The following ABCC5 variants were observed in gnomAD, a reference collection of about 807,000 sequenced individuals.
ABCC5 encodes the protein ATP-binding cassette sub-family C member 5.
Under a neutral mutation model 160.9 loss-of-function variants are expected in ABCC5, and 61 were observed. The ratio of observed to expected loss-of-function variants is 0.38; its 90% CI spans 0.31 to 0.47. The LOEUF (loss-of-function observed/expected upper bound fraction) is 0.47, where lower values mean the gene tolerates loss of function less well. ABCC5 is among the 20% of genes least tolerant of loss of function. The pLI, the probability that ABCC5 is intolerant of heterozygous loss-of-function variation, is 0.99. For missense variants in ABCC5, 1,308 were observed against 1,813.3 expected, an observed-to-expected ratio of 0.72 and a Z score of 5.06; for synonymous variants, 666 against 700.6, an observed-to-expected ratio of 0.95 and a Z score of 0.78.
Position 183,927,446 on chromosome 3 carries a change from A to T in ABCC5, c.3934-3T>A. On this transcript the variant is annotated splice_region_variant and splice_polypyrimidine_tract_variant and intron_variant, in intron 27 of 29. Coordinates refer to ENST00000334444, the MANE Select transcript of ABCC5 (RefSeq NM_005688.4). ...AGTTTCAGAGGTAGCTGAGCAATCT[A>T]GGGAGAAAGAAACTAGAGATCAGAG... is the stretch of plus-strand genomic sequence containing the variant. The T allele has an allele frequency of 6.2e-7, 1 of 1,610,182 alleles. No homozygotes were observed. Among genetic ancestry groups the T allele is most frequent in the East Asian group, 2.2e-5 (1 of 44,776 alleles).
In ABCC5 at chr3:183,938,011, T is replaced by C. The variant is rs370819701; in HGVS notation, c.3744A>G (p.Gly1248=). ...TCACTCCATCAATCTTGATGCAGCC[T>C]CCAGATAACTCCACCAGACGGAAGA... ...MALFRLVELS[G]GCIKIDGVRI... Residue 1248 remains glycine, a synonymous_variant, in exon 26 of 30, where the codon GGA becomes GGG. Transcript: ENST00000334444. 1.2e-6 allele frequency: 2 copies of C among 1,614,126 alleles called. No individual in the cohort carries two copies. Among genetic ancestry groups the C allele is most frequent in the Non-Finnish European group, 8.5e-7 (1 of 1,180,026 alleles).
rs149253198 is a variant in ABCC5, at chr3:183,920,991, T to C, written c.*309A>G. The stretch of plus-strand genomic sequence containing the variant: ...TAAATATAGGCTATGTACAGAATTA[T>C]ATATAGATATAGCTACACGTATAAA... On this transcript the variant is annotated 3_prime_UTR_variant, in exon 30 of 30. Coordinates refer to ENST00000334444, the MANE Select transcript of ABCC5 (RefSeq NM_005688.4). The surrounding 1 kb of genome is among the most constrained non-coding windows in gnomAD (Gnocchi z 4.1). The C allele has an allele frequency of 9.2e-4, 198 of 214,668 alleles. No individual in the cohort carries two copies. Among genetic ancestry groups the C allele is most frequent in the Middle Eastern group, 6.6e-3 (4 of 610 alleles). 13.3% of individuals were successfully genotyped at this position (214,668 alleles called of 1,614,324 possible).
chr3:183,989,453 G>C, intron 2 of ABCC5, 70 bp from the exon 3 acceptor site: 2 of 1,532,918 alleles, frequency 1.3e-6, no homozygotes, highest in Non-Finnish European at 8.9e-7. Context: ...CGGAACTGAT[G>C]AAACAGCTCA....
intron 23 of ABCC5, among the ~76,000 whole-genome samples, chr3:183,947,085 C>T (rs1554395): frequency 0.81 from 122,889 of 152,190 alleles, 50,506 homozygotes; most frequent in East Asian, 0.99. Context: ...ATCTACTTCT[C>T]ACACACATGC....
chr3:183,952,149 T>A, intron 18 of ABCC5, 146 bp from the exon 19 acceptor site: 1 of 554,712 alleles, frequency 1.8e-6, no homozygotes, highest in Non-Finnish European at 2.8e-6. Flanking sequence ...CACCTCTTTT[T>A]TTTTTTTTTT....
intron 17 of ABCC5, among the ~76,000 whole-genome samples, chr3:183,956,598 C>T (rs1275736085): frequency 6.6e-6 from 1 of 150,692 alleles, no homozygotes; most frequent in Non-Finnish European, 1.5e-5. Flanking sequence ...ACATGCAGAT[C>T]CGTGTGTATA....
chr3:184,008,117 A>G (rs1721389201), intron 2 of ABCC5, among the ~76,000 whole-genome samples: 2 of 89,628 alleles, frequency 2.2e-5, no homozygotes, highest in South Asian at 6.3e-4. Context: ...TATGTAGAGT[A>G]CGTGTTGTGA....
chr3:183,981,628 T>A, intron 8 of ABCC5, 99 bp downstream of exon 8: 3 of 1,281,852 alleles, frequency 2.3e-6, no homozygotes, highest in Non-Finnish European at 3.3e-6. Context: ...ACACTAGTCC[T>A]AGTACGTAAT....
At chr3:184,009,023 A>T (rs1227255664) in intron 2 of ABCC5, among the ~76,000 whole-genome samples, 1 of 152,042 alleles carries the variant, frequency 6.6e-6, no homozygotes, top group Non-Finnish European at 1.5e-5. Flanking sequence ...TGCCCAGCTA[A>T]TTTATTTTTA....
chr3:183,971,594 G>A lies in ABCC5; in HGVS notation c.1730C>T (p.Thr577Ile), dbSNP rs1717752316. The A allele has an allele frequency of 3.7e-6, 6 of 1,614,130 alleles. No individual in the cohort carries two copies. Among genetic ancestry groups the A allele is most frequent in the Non-Finnish European group, 5.1e-6 (6 of 1,180,022 alleles). The change falls in exon 11 of 30, where the codon ACA becomes ATA. Residue 577 changes from threonine to isoleucine, a missense_variant. By Grantham distance (89) the Thr-to-Ile change is moderately conservative. Coordinates refer to ENST00000334444, the MANE Select transcript of ABCC5 (RefSeq NM_005688.4). Reference protein sequence around the residue: ...IHLGHLRLQRTLHSIDLEIQE... With the variant: ...IHLGHLRLQRILHSIDLEIQE... ...GATCTCCAGATCGATGCTGTGCAGT[G>A]TCCTCTGTAAGCGCAGGTGGCCCAG... is the stretch of plus-strand genomic sequence containing the variant.
rs549434329 is a variant in ABCC5, at chr3:183,983,917, C to T, written c.592-910G>A. The T allele has an allele frequency of 9.9e-5, 98 of 985,302 alleles. 1 individual carries two copies. Among genetic ancestry groups the T allele is most frequent in the African/African-American group, 6.1e-4 (35 of 57,216 alleles). The allele number at this position is 985,302 out of a possible 1,614,324, so 61.0% of individuals were successfully genotyped here. A position where few individuals can be genotyped will look rare whatever the true frequency, so the allele number is the denominator to read the frequency against. ...GCCATCTAACAGGTCATCTGGTCTC[C>T]GACGGTTGTTTAACGACACACAGTA... On this transcript the variant is annotated intron_variant, in intron 5 of 29. Coordinates refer to ENST00000334444, the MANE Select transcript of ABCC5 (RefSeq NM_005688.4).
In ABCC5 at chr3:183,931,396, A is replaced by C. The variant is rs559242441; in HGVS notation, c.3855-2571T>G. Among the ~76,000 whole-genome samples the C allele has an allele frequency of 4.7e-5, 7 of 147,428 alleles. No homozygotes were observed. The East Asian group carries it at 1.2e-3, about 25-fold the overall frequency. Reference sequence around the variant, plus strand: ...GGCTGGAGTGCAGTGGCATGATCTCAGCTCACTGCAACCCCTGCCCTGCCC... The same window carrying C: ...GGCTGGAGTGCAGTGGCATGATCTCCGCTCACTGCAACCCCTGCCCTGCCC... On this transcript the variant is annotated intron_variant, in intron 26 of 29. Coordinates refer to ENST00000334444, the MANE Select transcript of ABCC5 (RefSeq NM_005688.4).
intron 10 of ABCC5, among the ~76,000 whole-genome samples, chr3:183,973,913 A>T (rs1329215258): frequency 6.6e-6 from 1 of 152,208 alleles, no homozygotes; most frequent in Non-Finnish European, 1.5e-5. Flanking sequence ...TGAACTATTA[A>T]GAAACATGCC....
intron 2 of ABCC5, 69 bp from the exon 3 acceptor site, chr3:183,989,452 T>A: frequency 6.5e-7 from 1 of 1,538,724 alleles, no homozygotes; most frequent in Non-Finnish European, 8.8e-7. Flanking sequence ...ACGGAACTGA[T>A]GAAACAGCTC....
Position 183,927,534 on chromosome 3 carries a change from G to A in ABCC5, c.3934-91C>T, listed in dbSNP as rs1394534211. On this transcript the variant is annotated intron_variant, in intron 27 of 29. Transcript: ENST00000334444. ...GACAGAAAGAAATGATTCTGAAAGC[G>A]ATGAAAGAACTATTAGCCAAGAACC... The A allele has an allele frequency of 1.6e-5, 24 of 1,505,874 alleles. No individual in the cohort carries two copies. In the South Asian group the frequency reaches 1.7e-4, roughly 11 times the overall value. 93.3% of individuals were successfully genotyped at this position (1,505,874 alleles called of 1,614,324 possible). A position where few individuals can be genotyped will look rare whatever the true frequency, so the allele number is the denominator to read the frequency against.
Position 183,951,501 on chromosome 3 carries a change from A to G in ABCC5, c.2884T>C (p.Phe962Leu), listed in dbSNP as rs1273988730. 6.2e-7 allele frequency: 1 copy of G among 1,614,144 alleles called. No homozygotes were observed. Among genetic ancestry groups the G allele is most frequent in the South Asian group, 1.1e-5 (1 of 91,080 alleles). Reference protein sequence around the residue: ...FRRILRSPMKFFDTTPTGRIL... With the variant: ...FRRILRSPMKLFDTTPTGRIL... ...CTCCCTGTGGGGGTCGTGTCAAAAAACTTCATAGGGCTTCGAAGGATCCTT... is the reference window on the plus strand; with the variant it reads ...CTCCCTGTGGGGGTCGTGTCAAAAAGCTTCATAGGGCTTCGAAGGATCCTT... The change falls in exon 20 of 30, where the codon TTT (phenylalanine) becomes CTT (leucine). Residue 962 changes from phenylalanine (F) to leucine (L), a missense_variant. By Grantham distance (22) the Phe-to-Leu change is conservative (BLOSUM62 0). Around this residue, in one of 3 missense-constraint regions of ABCC5, gnomAD observed 1,142 missense variants for 1,527.1 expected, o/e 0.75. Coordinates refer to ENST00000334444, the MANE Select transcript of ABCC5 (RefSeq NM_005688.4). This position sits in a 1 kb window ranked among gnomAD's most constrained non-coding sequence, Gnocchi z 4.7.
Position 183,925,630 on chromosome 3 carries a change from ACAGTCTG to A in ABCC5, c.4130_4136del (p.Ala1377ValfsTer4). ...GGCGATGGGCAATGGTCAGCATGGTACAGTCTGCAAATGCTTCTCGGATGGTCTCTTG... is the reference window on the plus strand; with the variant it reads ...GGCGATGGGCAATGGTCAGCATGGTACAAATGCTTCTCGGATGGTCTCTTG... On this transcript the variant is annotated frameshift_variant, in exon 29 of 30. Transcript: ENST00000334444. LOFTEE classifies it high-confidence loss of function. 1 of 1,614,028 alleles carries A rather than the reference ACAGTCTG, an allele frequency of 6.2e-7. No individual in the cohort carries two copies.
At chr3:183,959,439 A>G (rs1250283119) in intron 17 of ABCC5, among the ~76,000 whole-genome samples, 1 of 152,118 alleles carries the variant, frequency 6.6e-6, no homozygotes, top group Non-Finnish European at 1.5e-5. Flanking sequence ...TGTACCCACC[A>G]TTCGATTTTT....
Position 183,987,160 on chromosome 3 carries a change from G to C in ABCC5, c.591+610C>G, listed in dbSNP as rs761619049. ...AGCACAGCAGGTGTAAGAAACAGGT[G>C]CCCAGGAAACAGAGTGAACGTCAAA... On this transcript the variant is annotated intron_variant, in intron 5 of 29. Transcript: ENST00000334444. This position sits in a 1 kb window ranked among gnomAD's most constrained non-coding sequence, Gnocchi z 4.2. The C allele has an allele frequency of 6.2e-6, 1 of 161,314 alleles. No individual in the cohort carries two copies. The highest frequency in any genetic ancestry group is 1.4e-5 in the Non-Finnish European group (1 of 73,236). The allele number at this position is 161,314 out of a possible 1,614,324, so 10.0% of individuals were successfully genotyped here. A position where few individuals can be genotyped will look rare whatever the true frequency, so the allele number is the denominator to read the frequency against.
Sources: allele counts gnomAD v4.1 joint callset (sites outside exome capture counted in the v4.1 genomes callset), GRCh38; gene constraint gnomAD v4.1.1; regional missense constraint gnomAD v4.1.1; non-coding constraint Gnocchi (gnomAD v3.1); transcripts MANE v1.5; gene names NCBI Gene and HGNC (gene_info 2026-07-23, HGNC 2026-07-21).